The following FSIP1 variants were observed in gnomAD, a reference collection of about 807,000 sequenced individuals.
The protein encoded by FSIP1 is fibrous sheath interacting protein 1.
Under a neutral mutation model 60.9 loss-of-function variants are expected in FSIP1, and 65 were observed. The ratio of observed to expected loss-of-function variants is 1.07; its 90% CI spans 0.87 to 1.31. The LOEUF (loss-of-function observed/expected upper bound fraction) is 1.31, where lower values mean the gene tolerates loss of function less well. Ranked by LOEUF, FSIP1 falls within the 40% of genes most tolerant of loss-of-function variation. FSIP1 has a pLI of 0.00. For synonymous variants in FSIP1, 209 were observed against 221.2 expected (o/e 0.94, Z 0.49); for missense variants, 675 against 665.5 (o/e 1.01, Z -0.16).
chr15:39,664,284 T>C (rs1893411856), intron 10 of FSIP1, among the ~76,000 whole-genome samples: 1 of 152,214 alleles, frequency 6.6e-6, no homozygotes, highest in African/African-American at 2.4e-5. Flanking sequence ...CAAAATTCTT[T>C]ATGCTTGAAA....
At chr15:39,731,216 C>T (rs752659271) in intron 8 of FSIP1, among the ~76,000 whole-genome samples, 14 of 152,026 alleles carry the variant, frequency 9.2e-5, no homozygotes, top group Non-Finnish European at 2.1e-4. Context: ...TAGCTAAAGG[C>T]ACACAACTCT....
rs139209355 is a variant in FSIP1 at position 39,706,049 on chromosome 15, C to T, written c.1188+7395G>A. Among the ~76,000 whole-genome samples the T allele has an allele frequency of 7.5e-3, 1,136 of 151,370 alleles. 53 individuals carry two copies. Among genetic ancestry groups the T allele is most frequent in the East Asian group, 3.9e-3 (20 of 5,172 alleles). The stretch of plus-strand genomic sequence containing the variant: ...AAAAGTCTTCTATTGACAAAGTCCA[C>T]GTACTTGTCATTTTTATCATCCTAC... On this transcript the variant is annotated intron_variant, in intron 10 of 11. Transcript: ENST00000350221.
chr15:39,752,377 T>C (rs1204309639), intron 5 of FSIP1, among the ~76,000 whole-genome samples: 1 of 151,842 alleles, frequency 6.6e-6, no homozygotes, highest in South Asian at 2.1e-4. Context: ...TTCCAAAGAG[T>C]AGAGTGTGGC....
intron 5 of FSIP1, among the ~76,000 whole-genome samples, chr15:39,760,861 G>A (rs1423038938): frequency 1.3e-5 from 2 of 152,022 alleles, no homozygotes; most frequent in Non-Finnish European, 2.9e-5. Flanking sequence ...GAAGCAGGGG[G>A]GAAGGGTATA....
chr15:39,716,820 T>C (rs72727059), intron 9 of FSIP1, among the ~76,000 whole-genome samples: 3 of 118,820 alleles, frequency 2.5e-5, no homozygotes, highest in Admixed American at 7.6e-5. Context: ...GTCTTTTTTT[T>C]TTTTTTTTTT....
At chr15:39,610,207 T>A (rs559023992) in intron 11 of FSIP1, among the ~76,000 whole-genome samples, 2 of 152,100 alleles carry the variant, frequency 1.3e-5, no homozygotes, top group African/African-American at 2.4e-5. Flanking sequence ...TTTCTTATAA[T>A]AAAATTCTAA....
intron 10 of FSIP1, among the ~76,000 whole-genome samples, chr15:39,632,927 G>T (rs943169438): frequency 6.6e-6 from 1 of 152,014 alleles, no homozygotes; most frequent in Non-Finnish European, 1.5e-5. Flanking sequence ...CTCAAATCGG[G>T]TAATAAGAAT....
chr15:39,779,262 A>T (rs961780184), intron 1 of FSIP1, among the ~76,000 whole-genome samples: 7 of 152,212 alleles, frequency 4.6e-5, no homozygotes, highest in Non-Finnish European at 1.0e-4. Context: ...ATCCTGCTTT[A>T]AAAAGTCCAA....
intron 1 of FSIP1, among the ~76,000 whole-genome samples, chr15:39,782,204 AG>A (rs1898292496): frequency 6.6e-6 from 1 of 152,238 alleles, no homozygotes; most frequent in African/African-American, 2.4e-5. Flanking sequence ...TAGGTGTAAA[AG>A]GTATCTGTGA....
intron 10 of FSIP1, among the ~76,000 whole-genome samples, chr15:39,640,274 A>C (rs1026509171): frequency 6.6e-6 from 1 of 152,186 alleles, no homozygotes; most frequent in Admixed American, 6.5e-5. Flanking sequence ...ACACCTTGAA[A>C]ATTCTCATCT....
At chr15:39,737,409 C>A (rs1312878761) in intron 8 of FSIP1, among the ~76,000 whole-genome samples, 1 of 152,120 alleles carries the variant, frequency 6.6e-6, no homozygotes, top group Non-Finnish European at 1.5e-5. Flanking sequence ...GGACGGAATT[C>A]TTTAGGATTA....
intron 10 of FSIP1, among the ~76,000 whole-genome samples, chr15:39,712,182 C>CT: frequency 6.7e-6 from 1 of 150,052 alleles, no homozygotes; most frequent in South Asian, 2.1e-4. Flanking sequence ...GCCTGAGCTC[C>CT]TGTAGGCTCT....
At chr15:39,762,810 A>G (rs1002752782) in intron 5 of FSIP1, among the ~76,000 whole-genome samples, 4 of 152,116 alleles carry the variant, frequency 2.6e-5, no homozygotes, top group African/African-American at 9.7e-5. Context: ...GGAAACATGG[A>G]CTCCATCTCT....
At chr15:39,759,252 T>C (rs1179845345) in intron 5 of FSIP1, among the ~76,000 whole-genome samples, 1 of 151,892 alleles carries the variant, frequency 6.6e-6, no homozygotes, top group African/African-American at 2.4e-5. Context: ...ATCCTTAATA[T>C]TAAAAAAGTC....
intron 10 of FSIP1, among the ~76,000 whole-genome samples, chr15:39,619,429 T>A (rs575939574): frequency 6.6e-6 from 1 of 152,156 alleles, no homozygotes; most frequent in Middle Eastern, 3.2e-3. Flanking sequence ...TTATTTGGAA[T>A]TCAAAATTCA....
Position 39,618,111 on chromosome 15 carries a change from G to A in FSIP1, c.1323C>T (p.Phe441=), listed in dbSNP as rs768825908. 6.2e-6 allele frequency: 10 copies of A among 1,614,048 alleles called. No homozygotes were observed. The highest frequency in any genetic ancestry group is 6.8e-6 in the Non-Finnish European group (8 of 1,180,024). Residue 441 remains phenylalanine, a synonymous_variant, in exon 11 of 12, where the codon TTC becomes TTT. Coordinates refer to ENST00000350221, the MANE Select transcript of FSIP1 (RefSeq NM_152597.5). ...AGATGATGGACCTGGAAAGCTGGGG[G>A]AACACAGGTGTTACGTCCTCAATGT... The part of the protein sequence containing the change: ...KEDIEDVTPV[F]PQLSRSIISK...
At chr15:39,713,681 C>T in intron 9 of FSIP1, 100 bp from the exon 10 acceptor site, 1 of 1,079,068 alleles carries the variant, frequency 9.3e-7, no homozygotes, top group Non-Finnish European at 1.3e-6. Context: ...CTTTGCTTCT[C>T]AAACAATTAT....
intron 2 of FSIP1, among the ~76,000 whole-genome samples, chr15:39,771,266 T>C (rs1047091111): frequency 1.3e-5 from 2 of 152,028 alleles, no homozygotes; most frequent in African/African-American, 4.8e-5. Flanking sequence ...CTTCAGAAGT[T>C]AACACAGCCC....
At chr15:39,764,616 T>C (rs984083326) in intron 4 of FSIP1, among the ~76,000 whole-genome samples, 1 of 152,220 alleles carries the variant, frequency 6.6e-6, no homozygotes, top group Non-Finnish European at 1.5e-5. Context: ...AATGGCTATA[T>C]ACCAAGTCAA....
Sources: allele counts gnomAD v4.1 joint callset (sites outside exome capture counted in the v4.1 genomes callset), GRCh38; gene constraint gnomAD v4.1.1; transcripts MANE v1.5; gene names NCBI Gene and HGNC (gene_info 2026-07-23, HGNC 2026-07-21).